Variants in PLP1 observed in about 807,000 individuals in gnomAD.
The protein encoded by PLP1 is proteolipid protein 1.
PLP1 carries 2 observed loss-of-function variants against 18.5 expected under a neutral mutation model. That is an observed-to-expected ratio of 0.11 (90% CI 0.04 to 0.34). The LOEUF (loss-of-function observed/expected upper bound fraction) is 0.34, where lower values mean the gene tolerates loss of function less well. PLP1 is among the 10% of genes least tolerant of loss of function. PLP1 has a pLI of 1.00. For synonymous variants in PLP1, 86 were observed against 83.2 expected, an observed-to-expected ratio of 1.03 and a Z score of -0.19; for missense variants, 105 against 207.3, an observed-to-expected ratio of 0.51 and a Z score of 3.03.
intron 1 of PLP1, among the ~76,000 whole-genome samples, chrX:103,779,551 C>G (rs755574353): frequency 1.8e-5 from 2 of 112,028 alleles, no homozygotes; most frequent in African/African-American, 3.2e-5. Flanking sequence ...TCAAGTGCAG[C>G]CTTCTCTACC....
At position 103,784,604 on chromosome X, in the gene PLP1, T is replaced by C. The variant is rs775878564; in HGVS notation, c.5-978T>C. Among the ~76,000 whole-genome samples, 17 of 112,011 alleles carry C rather than the reference T, an allele frequency of 1.5e-4. No homozygotes were observed. In the South Asian group the frequency reaches 6.4e-3, roughly 42 times the overall value. ...AACAAATACACACGATGCTCAAAAA[T>C]GTCCAGGAGCATCCAATTTCCAAAG... On this transcript the variant is annotated intron_variant, in intron 1 of 6. Transcript: ENST00000621218.
chrX:103,788,870 T>A (rs1256580753), intron 5 of PLP1: 2 of 287,449 alleles, frequency 7.0e-6, no homozygotes, highest in South Asian at 1.1e-4. Flanking sequence ...TTCATAGGTT[T>A]TATGAAAACA....
intron 6 of PLP1, 56 bp downstream of exon 6, chrX:103,789,454 C>A: frequency 1.1e-6 from 1 of 908,781 alleles, no homozygotes; most frequent in Non-Finnish European, 1.6e-6. Context: ...AGTGTGGGTA[C>A]AGCTATTCTG....
At chrX:103,780,323 C>T (rs912772079) in intron 1 of PLP1, 1 of 112,262 alleles carries the variant, frequency 8.9e-6, no homozygotes, top group Non-Finnish European at 1.9e-5. Flanking sequence ...TCTTCCCATT[C>T]GTGGGCAAGG....
chrX:103,792,089 A>G lies in PLP1; in HGVS notation c.*1491A>G, dbSNP rs1257532075. 1.8e-5 allele frequency: 2 copies of G among 110,759 alleles called. No individual in the cohort carries two copies. The highest frequency in any genetic ancestry group is 3.8e-5 in the Non-Finnish European group (2 of 52,878). 9.1% of individuals were successfully genotyped at this position (110,759 alleles called of 1,213,427 possible). A position where few individuals can be genotyped will look rare whatever the true frequency, so the allele number is the denominator to read the frequency against. On this transcript the variant is annotated 3_prime_UTR_variant, in exon 7 of 7. Coordinates refer to ENST00000621218, the MANE Select transcript of PLP1 (RefSeq NM_000533.5). The stretch of plus-strand genomic sequence containing the variant: ...GAGACCTGAATAGCTCCCAGATTTC[A>G]GTCTTTTCCTGTTTTTGTTAACTTT...
rs2074540535 is a variant in PLP1, at chrX:103,790,958, A to T, written c.*360A>T. Reference sequence around the variant, plus strand: ...AAAGGGTACTTCCACTGATGGAAACAAAGTGGAAGGAAAGATGCTCAGGTA... The same window carrying T: ...AAAGGGTACTTCCACTGATGGAAACTAAGTGGAAGGAAAGATGCTCAGGTA... On this transcript the variant is annotated 3_prime_UTR_variant, in exon 7 of 7. Coordinates refer to ENST00000621218, the MANE Select transcript of PLP1 (RefSeq NM_000533.5). The T allele has an allele frequency of 3.9e-6, 1 of 254,146 alleles. No individual in the cohort carries two copies. Among genetic ancestry groups the T allele is most frequent in the Non-Finnish European group, 7.1e-6 (1 of 141,128 alleles). The allele number at this position is 254,146 out of a possible 1,213,427, so 20.9% of individuals were successfully genotyped here.
At chrX:103,788,621 T>C in intron 5 of PLP1, 111 bp downstream of exon 5, 1 of 653,655 alleles carries the variant, frequency 1.5e-6, no homozygotes, top group Non-Finnish European at 2.6e-6. Flanking sequence ...GATTTTGAAT[T>C]AGCCGATTGC....
At chrX:103,782,591 C>A (rs1240289532) in intron 1 of PLP1, among the ~76,000 whole-genome samples, 1 of 111,899 alleles carries the variant, frequency 8.9e-6, no homozygotes, top group African/African-American at 3.3e-5. Flanking sequence ...CATCACCTAA[C>A]GCTTAAAGTG....
In PLP1 at chrX:103,780,008, C is replaced by T. The variant is rs768565263; in HGVS notation, c.4+3009C>T. 8.9e-5 allele frequency: 10 copies of T among 112,836 alleles called. 1 individual carries two copies. In the East Asian group the frequency reaches 2.8e-3, roughly 32 times the overall value. The allele number at this position is 112,836 out of a possible 1,213,427, so 9.3% of individuals were successfully genotyped here. A position where few individuals can be genotyped will look rare whatever the true frequency, so the allele number is the denominator to read the frequency against. The stretch of plus-strand genomic sequence containing the variant: ...CAGCCATGGTAGGTGAATGGAGCAG[C>T]TTTTCCTTCCTTTCCTGCTTTCAGA... On this transcript the variant is annotated intron_variant, in intron 1 of 6. Transcript: ENST00000621218.
At position 103,786,466 on chromosome X, in the gene PLP1, A is replaced by G. The variant is rs759106420; in HGVS notation, c.193A>G (p.Ile65Val). ...TCGTTTGTCTACCTGTTAATGCAGG[A>G]TCCATGCCTTCCAGTATGTCATCTA... Reference protein sequence around the residue: ...YQDYEYLINVIHAFQYVIYGT... With the variant: ...YQDYEYLINVVHAFQYVIYGT... The change falls in exon 3 of 7, where the codon ATC (isoleucine) becomes GTC (valine). Residue 65 changes from isoleucine to valine, a missense_variant and splice_region_variant. Transcript: ENST00000621218. 1 of 1,208,526 alleles carries G rather than the reference A, an allele frequency of 8.3e-7. No homozygotes were observed. The highest frequency in any genetic ancestry group is 1.1e-6 in the Non-Finnish European group (1 of 892,714).
At chrX:103,785,482 A>G in intron 1 of PLP1, 100 bp from the exon 2 acceptor site, 5 of 740,281 alleles carry the variant, frequency 6.8e-6, no homozygotes, top group Admixed American at 4.6e-5. Context: ...CGGAGTGCCC[A>G]CTATCTCCGA....
chrX:103,777,061 T>C, intron 1 of PLP1, 62 bp downstream of exon 1: 1 of 1,054,579 alleles, frequency 9.5e-7, no homozygotes, highest in Non-Finnish European at 1.3e-6. Context: ...CAAGAGAATT[T>C]CCAACTTTGG....
At chrX:103,780,437 CTCTG>C (rs59837174) in intron 1 of PLP1, among the ~76,000 whole-genome samples, 4,031 of 87,831 alleles carry the variant, frequency 0.046, 174 homozygotes, top group African/African-American at 0.16. Context: ...TTCTGTCTCT[CTCTG>C]TGTGTGTGTG....
intron 2 of PLP1, 132 bp from the exon 3 acceptor site, chrX:103,786,333 G>T: frequency 3.9e-6 from 4 of 1,029,401 alleles, no homozygotes; most frequent in Non-Finnish European, 5.5e-6. Context: ...GGAGGAACCT[G>T]GTGATTCCTC....
In PLP1 at chrX:103,785,794, C is replaced by T. The variant is rs770461324; in HGVS notation, c.191+26C>T. On this transcript the variant is annotated intron_variant, in intron 2 of 6. Transcript: ENST00000621218. Reference sequence around the variant, plus strand: ...GTAAGTACCTGCCCTCCCACACAGACCCATCTTTTTTTTCCCTCTCTCCAT... The same window carrying T: ...GTAAGTACCTGCCCTCCCACACAGATCCATCTTTTTTTTCCCTCTCTCCAT... 2.6e-6 allele frequency: 3 copies of T among 1,154,350 alleles called. No homozygotes were observed. The South Asian group carries it at 5.4e-5, about 21-fold the overall frequency.
chrX:103,779,281 C>T (rs1318306216), intron 1 of PLP1, among the ~76,000 whole-genome samples: 2 of 112,132 alleles, frequency 1.8e-5, no homozygotes, highest in African/African-American at 6.5e-5. Context: ...TGGCTGTTAC[C>T]CTGGTAACCA....
At chrX:103,788,384 T>C (rs2074516663) in intron 4 of PLP1, 53 bp from the exon 5 acceptor site, 4 of 886,527 alleles carry the variant, frequency 4.5e-6, no homozygotes, top group East Asian at 6.2e-5. Context: ...AGTCTCCATG[T>C]GGCCCCGTAA....
Position 103,786,720 on chromosome X carries a change from C to T in PLP1, c.447C>T (p.Pro149=). 1 of 1,210,869 alleles carries T rather than the reference C, an allele frequency of 8.3e-7. No homozygotes were observed. The highest frequency in any genetic ancestry group is 1.1e-6 in the Non-Finnish European group (1 of 894,939). The change falls in exon 3 of 7, where the codon CCC becomes CCT. Residue 149 remains proline, a synonymous_variant. Transcript: ENST00000621218. ...CHCLGKWLGH[P]DKFVGITYAL... is the part of the protein sequence containing the mutation. Reference sequence around the variant, plus strand: ...GTTTGGGAAAATGGCTAGGACATCCCGACAAGGTGATCATCCTCAGGATTT... The same window carrying T: ...GTTTGGGAAAATGGCTAGGACATCCTGACAAGGTGATCATCCTCAGGATTT...
chrX:103,781,304 C>A (rs757612236), intron 1 of PLP1: 1 of 327,177 alleles, frequency 3.1e-6, no homozygotes, highest in African/African-American at 2.6e-5. Flanking sequence ...GAACCTGGAT[C>A]TGTGTAAGTC....
Sources: allele counts gnomAD v4.1 joint callset (sites outside exome capture counted in the v4.1 genomes callset), GRCh38; gene constraint gnomAD v4.1.1; transcripts MANE v1.5; gene names NCBI Gene and HGNC (gene_info 2026-07-23, HGNC 2026-07-21).